Variants in CERT1 observed in about 807,000 individuals in gnomAD.
The protein encoded by CERT1 is ceramide transporter 1, also known as ceramide transfer protein.
In CERT1, 31 loss-of-function variants were observed where a neutral mutation model predicts 87.9. That is an observed-to-expected ratio of 0.35 (90% confidence interval 0.27 to 0.48). CERT1 has a LOEUF of 0.48. CERT1 is among the 20% of genes least tolerant of loss of function. CERT1 has a pLI of 0.99. For missense variants in CERT1, 487 were observed against 758.0 expected, an observed-to-expected ratio of 0.64 and a Z score of 4.20; for synonymous variants, 289 against 250.9, an observed-to-expected ratio of 1.15 and a Z score of -1.44.
rs150043899 is a variant in CERT1, at chr5:75,487,971, C to T, written c.231+18011G>A. On this transcript the variant is annotated intron_variant, in intron 2 of 16. Transcript: ENST00000643780. ...GCCAGGCACAGAAAGACAAACTTTG[C>T]ATGTTCTTACTAATTTGTGTGAGGT... is the stretch of plus-strand genomic sequence containing the variant. 6.0e-3 allele frequency among the ~76,000 whole-genome samples: 918 copies of T among 152,054 alleles called. 14 individuals carry two copies. Among genetic ancestry groups the T allele is most frequent in the African/African-American group, 0.021 (876 of 41,502 alleles).
intron 2 of CERT1, among the ~76,000 whole-genome samples, chr5:75,477,211 G>A (rs80315641): frequency 0.021 from 3,251 of 152,078 alleles, 55 homozygotes; most frequent in Middle Eastern, 0.041. Context: ...GTATTCTCTT[G>A]TAAACCATCT....
chr5:75,423,786 T>C (rs1246462862), intron 5 of CERT1, among the ~76,000 whole-genome samples: 1 of 152,042 alleles, frequency 6.6e-6, no homozygotes, highest in Non-Finnish European at 1.5e-5. Context: ...ATGCAAACTA[T>C]AAACCTTAAA....
chr5:75,419,567 A>C (rs970379555), intron 5 of CERT1, 143 bp from the exon 6 acceptor site: 1 of 622,914 alleles, frequency 1.6e-6, no homozygotes, highest in Non-Finnish European at 2.8e-6. Flanking sequence ...CTGGTAATCA[A>C]GGTATGCTCA....
chr5:75,426,152 A>G (rs1175256385), intron 4 of CERT1, among the ~76,000 whole-genome samples: 1 of 152,156 alleles, frequency 6.6e-6, no homozygotes. Flanking sequence ...GTTTTTTTAT[A>G]TTTTACCTCA....
chr5:75,445,447 A>C (rs530683045), intron 3 of CERT1, among the ~76,000 whole-genome samples: 2 of 152,190 alleles, frequency 1.3e-5, no homozygotes, highest in African/African-American at 4.8e-5. Flanking sequence ...GGGCGTGTTT[A>C]AATTTCTCCC....
chr5:75,404,042 T>A (rs998504525), intron 8 of CERT1, among the ~76,000 whole-genome samples: 13 of 152,254 alleles, frequency 8.5e-5, no homozygotes, highest in African/African-American at 2.6e-4. Flanking sequence ...TCTTAAATGT[T>A]AAAATATATA....
chr5:75,448,643 G>A (rs1476635895), intron 3 of CERT1, among the ~76,000 whole-genome samples: 2 of 152,128 alleles, frequency 1.3e-5, no homozygotes, highest in Non-Finnish European at 2.9e-5. Flanking sequence ...CTGTCAATAT[G>A]TATAAGCCAT....
chr5:75,474,842 TATTAG>T (rs1765888136), intron 2 of CERT1, among the ~76,000 whole-genome samples: 1 of 56,980 alleles, frequency 1.8e-5, no homozygotes, highest in Non-Finnish European at 2.8e-5. Context: ...TCATGTAGTC[TATTAG>T]ACTATATGAG....
At chr5:75,501,206 A>G (rs988675567) in intron 2 of CERT1, among the ~76,000 whole-genome samples, 1 of 152,046 alleles carries the variant, frequency 6.6e-6, no homozygotes, top group African/African-American at 2.4e-5. Flanking sequence ...AATTTTTCCA[A>G]GATCTTTCAA....
chr5:75,427,787 C>A (rs988117845), intron 3 of CERT1, among the ~76,000 whole-genome samples: 1 of 151,944 alleles, frequency 6.6e-6, no homozygotes, highest in Non-Finnish European at 1.5e-5. Flanking sequence ...GAAAACAAAC[C>A]TGTAGGTTTA....
intron 3 of CERT1, among the ~76,000 whole-genome samples, chr5:75,457,810 G>C (rs1041300460): frequency 1.3e-5 from 2 of 151,494 alleles, no homozygotes; most frequent in Non-Finnish European, 2.9e-5. Context: ...ACCCAAAACA[G>C]TGCCTGAGAT....
At chr5:75,374,756 C>A, downstream of CERT1, 2 of 561,554 alleles carry the variant, frequency 3.6e-6, no homozygotes, top group Non-Finnish European at 6.9e-6. Flanking sequence ...AACACCTCCA[C>A]CCCAATTTAG....
At chr5:75,491,807 TG>T (rs1301180242) in intron 2 of CERT1, among the ~76,000 whole-genome samples, 2 of 152,212 alleles carry the variant, frequency 1.3e-5, no homozygotes, top group East Asian at 3.8e-4. Flanking sequence ...GATAACATTT[TG>T]GGATGCGGCT....
At chr5:75,403,446 TG>T (rs1762579911) in intron 8 of CERT1, among the ~76,000 whole-genome samples, 1 of 152,236 alleles carries the variant, frequency 6.6e-6, no homozygotes, top group African/African-American at 2.4e-5. Context: ...GTGAATTACT[TG>T]AAATTAAAAG....
chr5:75,446,832 T>C (rs746564318), intron 3 of CERT1, among the ~76,000 whole-genome samples: 5 of 152,222 alleles, frequency 3.3e-5, no homozygotes, highest in Non-Finnish European at 5.9e-5. Context: ...TGTCCTAGTC[T>C]TTAATGTCTC....
At chr5:75,451,996 C>A (rs1266341036) in intron 3 of CERT1, among the ~76,000 whole-genome samples, 3 of 152,162 alleles carry the variant, frequency 2.0e-5, no homozygotes, top group African/African-American at 7.2e-5. Context: ...TTTCACACTT[C>A]ATTTTATTTC....
chr5:75,493,787 C>T (rs1766923153), intron 2 of CERT1, among the ~76,000 whole-genome samples: 1 of 152,104 alleles, frequency 6.6e-6, no homozygotes, highest in Non-Finnish European at 1.5e-5. Flanking sequence ...TCCTACTGTT[C>T]AGATGTTAGA....
At chr5:75,462,231 A>G (rs1291865885) in intron 2 of CERT1, among the ~76,000 whole-genome samples, 3 of 151,912 alleles carry the variant, frequency 2.0e-5, no homozygotes, top group African/African-American at 7.2e-5. Context: ...TAAATATAAG[A>G]TATGATCTAA....
chr5:75,400,382 A>G (rs1762421095), intron 9 of CERT1, 85 bp from the exon 10 acceptor site: 1 of 911,596 alleles, frequency 1.1e-6, no homozygotes, highest in Middle Eastern at 2.2e-4. Context: ...TGGAACTACC[A>G]ACATTCACTT....
Sources: allele counts gnomAD v4.1 joint callset (sites outside exome capture counted in the v4.1 genomes callset), GRCh38; gene constraint gnomAD v4.1.1; transcripts MANE v1.5; gene names NCBI Gene and HGNC (gene_info 2026-07-23, HGNC 2026-07-21).